DISC1: variants seen among roughly 807,000 people sequenced by gnomAD.
DISC1 encodes the protein disrupted in schizophrenia 1 protein.
Under a neutral mutation model 84.5 loss-of-function variants are expected in DISC1, and 57 were observed. The ratio of observed to expected loss-of-function variants is 0.67; its 90% CI spans 0.55 to 0.84. The LOEUF (loss-of-function observed/expected upper bound fraction) is 0.84. DISC1 is among the 40% of genes least tolerant of loss of function. The pLI, the probability that DISC1 is intolerant of heterozygous loss-of-function variation, is 0.00. For synonymous variants in DISC1, 411 were observed against 415.2 expected (o/e 0.99, Z 0.12); for missense variants, 1,000 against 1,057.8 (o/e 0.95, Z 0.76).
chr1:232,021,465 CTTG>C (rs1396665883), intron 11 of DISC1, among the ~76,000 whole-genome samples: 4 of 152,132 alleles, frequency 2.6e-5, no homozygotes, highest in Non-Finnish European at 5.9e-5. Context: ...GCAGTGGTCA[CTTG>C]TTGTAATGTC....
intron 4 of DISC1, among the ~76,000 whole-genome samples, chr1:231,757,814 C>T (rs1249759873): frequency 2.0e-5 from 3 of 152,144 alleles, no homozygotes; most frequent in Non-Finnish European, 4.4e-5. Flanking sequence ...GGCAGCAACA[C>T]ATCAGAAGTG....
chr1:231,794,794 C>G (rs1223047696), intron 6 of DISC1, among the ~76,000 whole-genome samples: 1 of 152,178 alleles, frequency 6.6e-6, no homozygotes, highest in Non-Finnish European at 1.5e-5. Context: ...CCTTTATGCT[C>G]TATGTCAATG....
At chr1:231,927,196 G>T (rs2090404889) in intron 9 of DISC1, among the ~76,000 whole-genome samples, 1 of 152,128 alleles carries the variant, frequency 6.6e-6, no homozygotes, top group South Asian at 2.1e-4. Context: ...CCCTGTTTGG[G>T]TTTCCACCCC....
chr1:232,005,122 C>A (rs1367703435), intron 10 of DISC1, among the ~76,000 whole-genome samples: 2 of 101,722 alleles, frequency 2.0e-5, no homozygotes, highest in African/African-American at 3.7e-5. Context: ...ATTATATTTT[C>A]TTTCTCTTTT....
intron 9 of DISC1, among the ~76,000 whole-genome samples, chr1:231,834,245 T>C (rs924251774): frequency 4.0e-5 from 6 of 151,428 alleles, no homozygotes; most frequent in East Asian, 1.9e-4. Flanking sequence ...GGTGGAGGAG[T>C]GGAGGCCGAG....
chr1:231,920,906 T>G (rs1237440346), intron 9 of DISC1, among the ~76,000 whole-genome samples: 19 of 8,262 alleles, frequency 2.3e-3, no homozygotes, highest in Admixed American at 8.7e-3. Flanking sequence ...TGAACTGCTA[T>G]TTTTTTTTTT....
Position 231,789,865 on chromosome 1 carries a change from G to A in DISC1, c.1635-5377G>A, listed in dbSNP as rs146729183. Among the ~76,000 whole-genome samples, 245 of 152,146 alleles carry A rather than the reference G, an allele frequency of 1.6e-3. 2 individuals carry two copies. The highest frequency in any genetic ancestry group is 5.5e-3 in the African/African-American group (229 of 41,502). ...GCATTCTGTTTGTGATATTGCAAGAGTATTGAAGGGAGCCCTTTTTCATTT... is the reference window on the plus strand; with the variant it reads ...GCATTCTGTTTGTGATATTGCAAGAATATTGAAGGGAGCCCTTTTTCATTT... On this transcript the variant is annotated intron_variant, in intron 6 of 12. Coordinates refer to ENST00000439617, the MANE Select transcript of DISC1 (RefSeq NM_018662.3).
rs1446365881 is a variant in DISC1 at position 232,037,563 on chromosome 1, T to G, written c.*732T>G. ...GAGGCTGTGGATGGATCAGGGGACCTGTATAAAATGTTTGAGCCTGTTCCA... is the reference window on the plus strand; with the variant it reads ...GAGGCTGTGGATGGATCAGGGGACCGGTATAAAATGTTTGAGCCTGTTCCA... On this transcript the variant is annotated 3_prime_UTR_variant, in exon 13 of 13. Transcript: ENST00000439617. 1 of 152,242 alleles carries G rather than the reference T, an allele frequency of 6.6e-6. No homozygotes were observed. Among genetic ancestry groups the G allele is most frequent in the Non-Finnish European group, 1.5e-5 (1 of 68,060 alleles). 9.4% of individuals were successfully genotyped at this position (152,242 alleles called of 1,614,324 possible).
At chr1:231,931,973 CA>C (rs1558748748) in intron 9 of DISC1, among the ~76,000 whole-genome samples, 2 of 152,026 alleles carry the variant, frequency 1.3e-5, no homozygotes, top group Admixed American at 1.3e-4. Context: ...TATTTTTCAC[CA>C]GCTCATGGCC....
chr1:231,998,170 C>T (rs571947314), intron 10 of DISC1, among the ~76,000 whole-genome samples: 3 of 152,140 alleles, frequency 2.0e-5, no homozygotes, highest in African/African-American at 7.2e-5. Flanking sequence ...AGCCAATTGG[C>T]GAGCCAGAAG....
At chr1:231,942,455 A>T (rs2091406711) in intron 9 of DISC1, among the ~76,000 whole-genome samples, 1 of 152,218 alleles carries the variant, frequency 6.6e-6, no homozygotes, top group Non-Finnish European at 1.5e-5. Flanking sequence ...ACTTGAGGTC[A>T]AGAGTTTGAG....
chr1:231,875,850 TAAAGAGGACA>T (rs771377385), intron 9 of DISC1, among the ~76,000 whole-genome samples: 49 of 151,928 alleles, frequency 3.2e-4, no homozygotes, highest in Non-Finnish European at 6.5e-4. Flanking sequence ...GGGCCACAAA[TAAAGAGGACA>T]AAAGAGGGAA....
intron 9 of DISC1, among the ~76,000 whole-genome samples, chr1:231,917,144 A>C (rs2089693109): frequency 6.6e-6 from 1 of 152,214 alleles, no homozygotes; most frequent in African/African-American, 2.4e-5. Context: ...AAATTTTAAA[A>C]ACCTTAAGTG....
chr1:231,637,058 G>A (rs910319487), intron 1 of DISC1, among the ~76,000 whole-genome samples: 1 of 152,122 alleles, frequency 6.6e-6, no homozygotes, highest in Non-Finnish European at 1.5e-5. Context: ...TGGGGTGTTT[G>A]GTTTTCTGTT....
chr1:231,877,819 T>C (rs2086002844), intron 9 of DISC1, among the ~76,000 whole-genome samples: 1 of 152,220 alleles, frequency 6.6e-6, no homozygotes, highest in Non-Finnish European at 1.5e-5. Flanking sequence ...AATGCATGAC[T>C]GATGTGCATG....
At chr1:231,940,315 C>G (rs2091243122) in intron 9 of DISC1, among the ~76,000 whole-genome samples, 1 of 152,218 alleles carries the variant, frequency 6.6e-6, no homozygotes, top group African/African-American at 2.4e-5. Flanking sequence ...AGGGACTCAG[C>G]ACATACCTGC....
chr1:231,782,805 G>C (rs959902600), intron 6 of DISC1, among the ~76,000 whole-genome samples: 1 of 151,936 alleles, frequency 6.6e-6, no homozygotes, highest in African/African-American at 2.4e-5. Context: ...AGCCGGCTGT[G>C]GTGGCACGTC....
intron 3 of DISC1, among the ~76,000 whole-genome samples, chr1:231,749,617 G>A (rs889346312): frequency 2.6e-5 from 4 of 152,110 alleles, no homozygotes; most frequent in Non-Finnish European, 4.4e-5. Context: ...AATGCTCATT[G>A]TGCTTTTAAA....
chr1:231,849,395 C>T (rs2083707806), intron 9 of DISC1, among the ~76,000 whole-genome samples: 1 of 152,168 alleles, frequency 6.6e-6, no homozygotes, highest in African/African-American at 2.4e-5. Flanking sequence ...GCTGGGATTA[C>T]AGGCGTGAGC....
Sources: allele counts gnomAD v4.1 joint callset (sites outside exome capture counted in the v4.1 genomes callset), GRCh38; gene constraint gnomAD v4.1.1; transcripts MANE v1.5; gene names NCBI Gene and HGNC (gene_info 2026-07-23, HGNC 2026-07-21).